Variants in PRKAR1A observed in about 807,000 individuals in gnomAD.
PRKAR1A encodes protein kinase cAMP-dependent type I regulatory subunit alpha, also known as cAMP-dependent protein kinase type I-alpha regulatory subunit.
A neutral mutation model predicts 52.0 loss-of-function variants in PRKAR1A; 3 were observed. The ratio of observed to expected loss-of-function variants is 0.06; its 90% CI spans 0.03 to 0.15. The LOEUF (loss-of-function observed/expected upper bound fraction) is 0.15, where lower values mean the gene tolerates loss of function less well. PRKAR1A is among the 10% of genes least tolerant of loss of function. The probability of loss-of-function intolerance (pLI) is 1.00; values close to 1 mark genes in which losing one functional copy is unlikely to be tolerated. For synonymous variants in PRKAR1A, 188 were observed against 168.4 expected (o/e 1.12, Z -0.90); for missense variants, 240 against 477.4 (o/e 0.50, Z 4.63).
the PRKAR1A span, among the ~76,000 whole-genome samples, chr17:68,489,881 G>A: frequency 6.6e-6 from 1 of 152,136 alleles, no homozygotes; most frequent in Non-Finnish European, 1.5e-5. Context: ...GCTCCAAAGA[G>A]GTGTGGGGTA....
chr17:68,550,369 CTTTTTTTTT>C (rs747654899), intron 11 of PRKAR1A, among the ~76,000 whole-genome samples: 9 of 79,390 alleles, frequency 1.1e-4, no homozygotes, highest in East Asian at 9.3e-4. Context: ...AATGGGGGAA[CTTTTTTTTT>C]TTTTTTTTTT....
chr17:68,513,304 G>T (rs2085328400), intron 1 of PRKAR1A: 1 of 152,230 alleles, frequency 6.6e-6, no homozygotes, highest in Non-Finnish European at 1.5e-5. Flanking sequence ...CAGAGCCTGT[G>T]GTGACGACCG....
At chr17:68,445,505 C>T in the PRKAR1A span, among the ~76,000 whole-genome samples, 1,689 of 149,154 alleles carry the variant, frequency 0.011, 29 homozygotes, top group African/African-American at 0.039. Flanking sequence ...AGAAGGGCTT[C>T]GGCCCCATTT....
chr17:68,481,068 C>T, the PRKAR1A span, among the ~76,000 whole-genome samples: 49 of 152,196 alleles, frequency 3.2e-4, no homozygotes, highest in Non-Finnish European at 6.5e-4. Context: ...CAACAGCTCA[C>T]CCTCTTGTGG....
chr17:68,483,802 G>A, the PRKAR1A span, among the ~76,000 whole-genome samples: 3 of 151,472 alleles, frequency 2.0e-5, no homozygotes, highest in African/African-American at 2.4e-5. Flanking sequence ...TGGAGGTTGC[G>A]GTGAGCTGAA....
At chr17:68,470,546 C>A in the PRKAR1A span, among the ~76,000 whole-genome samples, 1 of 152,164 alleles carries the variant, frequency 6.6e-6, no homozygotes, top group Non-Finnish European at 1.5e-5. Context: ...CTACTTTTCT[C>A]TTCGATATCC....
chr17:68,533,474 A>G (rs1177156964), downstream of PRKAR1A: 3 of 997,974 alleles, frequency 3.0e-6, no homozygotes, highest in South Asian at 4.8e-5. Context: ...AATTCTCTCT[A>G]AACAGTGGCC....
downstream of PRKAR1A, chr17:68,537,882 AC>A: frequency 1.0e-6 from 1 of 995,884 alleles, no homozygotes; most frequent in Non-Finnish European, 1.5e-6. The surrounding 1 kb of genome is among the most constrained non-coding windows in gnomAD (Gnocchi z 4.2). Flanking sequence ...TTTAATGGAA[AC>A]CAGGTAAAAA....
At chr17:68,512,102 C>A (rs8080306), upstream of PRKAR1A, 112,619 of 154,190 alleles carry the variant, frequency 0.73, 41,315 homozygotes, top group East Asian at 0.96. Context: ...GAAGAGCAGG[C>A]GGAGGAACAA....
At chr17:68,459,711 T>G in the PRKAR1A span, among the ~76,000 whole-genome samples, 35 of 152,208 alleles carry the variant, frequency 2.3e-4, no homozygotes, top group Non-Finnish European at 5.0e-4. Context: ...ATTTCAGTTT[T>G]CTAGAAGATA....
chr17:68,468,812 CTA>C, the PRKAR1A span, among the ~76,000 whole-genome samples: 6 of 152,198 alleles, frequency 3.9e-5, no homozygotes, highest in Non-Finnish European at 7.4e-5. Flanking sequence ...GTTCCAGAGA[CTA>C]TTTACATGCT....
At chr17:68,533,710 C>T (rs1022849965), downstream of PRKAR1A, among the ~76,000 whole-genome samples, 11 of 152,138 alleles carry the variant, frequency 7.2e-5, no homozygotes, top group East Asian at 1.9e-4. Context: ...CCCAAAGGTA[C>T]GTTTTTATCT....
chr17:68,535,568 C>T (rs2086075071), downstream of PRKAR1A: 1 of 453,806 alleles, frequency 2.2e-6, no homozygotes, highest in Admixed American at 2.4e-5. Flanking sequence ...GCAGGAGAGA[C>T]AGTGAATGAA....
the PRKAR1A span, among the ~76,000 whole-genome samples, chr17:68,479,060 T>A: frequency 1.3e-5 from 2 of 152,228 alleles, no homozygotes; most frequent in African/African-American, 2.4e-5. Flanking sequence ...CCATGTAGAT[T>A]TACTGTAGGG....
intron 11 of PRKAR1A, chr17:68,539,747 G>C (rs1314299666): frequency 1.3e-6 from 1 of 789,960 alleles, no homozygotes; most frequent in Non-Finnish European, 2.2e-6. Flanking sequence ...GGAAATGGAA[G>C]AAGCCGGGCT....
the PRKAR1A span, among the ~76,000 whole-genome samples, chr17:68,465,971 A>G: frequency 6.6e-6 from 1 of 152,126 alleles, no homozygotes; most frequent in South Asian, 2.1e-4. Context: ...TGGAGGTAGA[A>G]TGTATAGGAC....
At chr17:68,457,754 C>T in the PRKAR1A span, among the ~76,000 whole-genome samples, 1 of 152,028 alleles carries the variant, frequency 6.6e-6, no homozygotes, top group African/African-American at 2.4e-5. Context: ...TCCGTGGCAG[C>T]TGTGGGCGGA....
chr17:68,510,594 G>A (rs1290176202), upstream of PRKAR1A, among the ~76,000 whole-genome samples: 1 of 152,138 alleles, frequency 6.6e-6, no homozygotes, highest in Non-Finnish European at 1.5e-5. Context: ...CCTGCTCAAT[G>A]CTATCAAATT....
At chr17:68,420,403 C>T in the PRKAR1A span, 2 of 1,614,188 alleles carry the variant, frequency 1.2e-6, no homozygotes, top group Non-Finnish European at 1.7e-6. Context: ...ACACTCAGGA[C>T]CCTTCAGTAA....
Sources: gnomAD v4.1 joint callset for allele counts (sites outside exome capture counted in the v4.1 genomes callset) on GRCh38, gnomAD v4.1.1 for gene constraint, Gnocchi (gnomAD v3.1) non-coding constraint, MANE v1.5 for transcripts, NCBI Gene and HGNC (gene_info 2026-07-23, HGNC 2026-07-21) for gene names.